The following GGA2 variants were observed in gnomAD, a reference collection of about 807,000 sequenced individuals.
The protein encoded by GGA2 is golgi associated, gamma adaptin ear containing, ARF binding protein 2, also known as ADP-ribosylation factor-binding protein GGA2.
Under a neutral mutation model 79.5 loss-of-function variants are expected in GGA2, and 48 were observed. That is an observed-to-expected ratio of 0.60 (90% CI 0.48 to 0.77). The LOEUF (loss-of-function observed/expected upper bound fraction) is 0.77. Ranked by LOEUF, GGA2 falls within the 30% of genes least tolerant of loss-of-function variation. The pLI is 0.00. For synonymous variants in GGA2, 317 were observed against 302.0 expected (o/e 1.05, Z -0.51); for missense variants, 770 against 774.0 (o/e 0.99, Z 0.06).
chr16:23,471,268 T>C (rs560997224), intron 14 of GGA2, among the ~76,000 whole-genome samples: 1 of 152,294 alleles, frequency 6.6e-6, no homozygotes, highest in Admixed American at 6.5e-5. Flanking sequence ...TACAAAACTG[T>C]AGATACCAAA....
At chr16:23,505,802 T>A (rs1036502410) in intron 1 of GGA2, among the ~76,000 whole-genome samples, 11 of 150,328 alleles carry the variant, frequency 7.3e-5, no homozygotes, top group African/African-American at 2.7e-4. Flanking sequence ...TGCAAATCAA[T>A]GGGGAAAAGA....
chr16:23,505,685 C>A (rs1726256781), intron 1 of GGA2, among the ~76,000 whole-genome samples: 1 of 151,874 alleles, frequency 6.6e-6, no homozygotes, highest in Non-Finnish European at 1.5e-5. Flanking sequence ...TGTCCCCCAC[C>A]CCACCCCACC....
rs1255997405 is a variant in GGA2 at position 23,494,342 on chromosome 16, G to T, written c.213C>A (p.Ile71=). The change falls in exon 3 of 17, where the codon ATC becomes ATA. Residue 71 remains isoleucine (I), a synonymous_variant. Transcript: ENST00000309859. ...GAGCTTCCTTCTCTTGCGGAGACTG[G>T]ATCTTGTGGGCCAGTAGCCAGGGCG... is the stretch of plus-strand genomic sequence containing the variant. ...THAPWLLAHK[I]QSPQEKEALY... The T allele has an allele frequency of 1.9e-6, 3 of 1,613,296 alleles. No homozygotes were observed. The highest frequency in any genetic ancestry group is 2.5e-6 in the Non-Finnish European group (3 of 1,179,156).
intron 2 of GGA2, chr16:23,519,511 C>G (rs1325667073): frequency 3.8e-5 from 12 of 313,346 alleles, no homozygotes; most frequent in Admixed American, 3.5e-4. Context: ...CTAGGCCAAT[C>G]AGATTCTCCC....
intron 1 of GGA2, chr16:23,521,732 G>A (rs1965144429): frequency 4.4e-6 from 2 of 452,466 alleles, no homozygotes; most frequent in Non-Finnish European, 8.9e-6. Flanking sequence ...GTTCATCCAT[G>A]TTGTAGATAT....
At chr16:23,494,432 G>A (rs368129290) in intron 2 of GGA2, 54 bp from the exon 3 acceptor site, 90 of 1,108,910 alleles carry the variant, frequency 8.1e-5, no homozygotes, top group Middle Eastern at 2.0e-4. Flanking sequence ...AAACTAACCC[G>A]AGTGGCTGAG....
chr16:23,493,415 C>T lies in GGA2; in HGVS notation c.296G>A (p.Ser99Asn). The change falls in exon 4 of 17, where the codon AGC (serine) becomes AAC (asparagine). Residue 99 changes from serine (S) to asparagine (N), a missense_variant. Ser to Asn is a conservative substitution (Grantham distance 46). Transcript: ENST00000309859. ...CAGGAAACGAAATTTGGCCACCTCG[C>T]TGTGGAACTTCTCCCCACAGTGGTT... ...CMNHCGEKFH[S>N]EVAKFRFLNE... The T allele has an allele frequency of 6.2e-7, 1 of 1,613,082 alleles. No homozygotes were observed. Among genetic ancestry groups the T allele is most frequent in the South Asian group, 1.1e-5 (1 of 91,052 alleles).
rs1816359489 is a variant in GGA2, at chr16:23,475,987, C to G, written c.1293-926G>C. Among the ~76,000 whole-genome samples the G allele has an allele frequency of 2.0e-5, 3 of 151,864 alleles. No homozygotes were observed. In the South Asian group the frequency reaches 6.3e-4, roughly 32 times the overall value. ...AAAATGTCCACACATAATAAGAACCCAATAACCTAGAGCCTTTGTTATGAA... is the reference window on the plus strand; with the variant it reads ...AAAATGTCCACACATAATAAGAACCGAATAACCTAGAGCCTTTGTTATGAA... On this transcript the variant is annotated intron_variant, in intron 13 of 16. Transcript: ENST00000309859.
At chr16:23,473,630 T>G (rs1011140943) in intron 14 of GGA2, among the ~76,000 whole-genome samples, 18 of 152,134 alleles carry the variant, frequency 1.2e-4, no homozygotes, top group Admixed American at 9.2e-4. Flanking sequence ...GTCTGGCCTA[T>G]TCTATCTTTA....
intron 13 of GGA2, 73 bp from the exon 14 acceptor site, chr16:23,475,134 T>A: frequency 1.1e-6 from 1 of 914,598 alleles, no homozygotes. Context: ...TTAGGCTTAT[T>A]AAAGAACAAG....
intron 14 of GGA2, among the ~76,000 whole-genome samples, chr16:23,471,775 G>A (rs1964513982): frequency 6.6e-6 from 1 of 152,072 alleles, no homozygotes; most frequent in Non-Finnish European, 1.5e-5. Context: ...GTGTGGTGGT[G>A]CATGCCTGTC....
At chr16:23,486,936 T>A (rs999976747) in intron 6 of GGA2, 146 bp from the exon 7 acceptor site, 25 of 664,788 alleles carry the variant, frequency 3.8e-5, no homozygotes, top group African/African-American at 1.4e-4. Context: ...GACACTACGA[T>A]GCAGGCACTC....
chr16:23,512,563 C>A (rs554093454), upstream of GGA2, among the ~76,000 whole-genome samples: 1 of 9,878 alleles, frequency 1.0e-4, no homozygotes, highest in African/African-American at 4.8e-4. Flanking sequence ...TCTGGGAACA[C>A]ACAGACTTCT....
rs535164265 is a variant in GGA2, at chr16:23,468,322, C to T, written c.1731+564G>A. Among the ~76,000 whole-genome samples, 68 of 150,656 alleles carry T rather than the reference C, an allele frequency of 4.5e-4. 1 individual carries two copies. Among genetic ancestry groups the T allele is most frequent in the African/African-American group, 1.5e-3 (62 of 40,914 alleles). ...TCTCCCGAGTAGCTGAGACTACAGG[C>T]GCACGCCACCATGCCCAGCTAATTT... On this transcript the variant is annotated intron_variant, in intron 16 of 16. Coordinates refer to ENST00000309859, the MANE Select transcript of GGA2 (RefSeq NM_015044.4).
intron 1 of GGA2, among the ~76,000 whole-genome samples, 194 bp from the exon 2 acceptor site, chr16:23,495,972 C>T (rs1964850144): frequency 6.6e-6 from 1 of 152,106 alleles, no homozygotes; most frequent in South Asian, 2.1e-4. Flanking sequence ...ATGGTATGCC[C>T]TTACTGAATA....
intron 12 of GGA2, 100 bp downstream of exon 12, chr16:23,478,783 G>A: frequency 1.1e-6 from 1 of 869,608 alleles, no homozygotes; most frequent in Non-Finnish European, 2.0e-6. Flanking sequence ...CACCGGGACA[G>A]TGCAGGAGCA....
intron 1 of GGA2, among the ~76,000 whole-genome samples, chr16:23,499,907 C>A (rs961178600): frequency 1.1e-4 from 16 of 152,166 alleles, no homozygotes; most frequent in Non-Finnish European, 1.5e-4. Context: ...GAACCACGTG[C>A]CTAGGCTCCC....
chr16:23,493,983 G>A, intron 3 of GGA2: 1 of 385,526 alleles, frequency 2.6e-6, no homozygotes, highest in Non-Finnish European at 4.8e-6. Flanking sequence ...AACAGCTAGT[G>A]GGCCCTGTGC....
Position 23,509,767 on chromosome 16 carries a change from C to T in GGA2, c.91+554G>A, listed in dbSNP as rs549850925. On this transcript the variant is annotated intron_variant, in intron 1 of 16. Coordinates refer to ENST00000309859, the MANE Select transcript of GGA2 (RefSeq NM_015044.4). ...ACACATATATATATATACGCACACA[C>T]ACACACACGTGTGTGTGTGTTTAAA... 1.6e-3 allele frequency among the ~76,000 whole-genome samples: 241 copies of T among 149,758 alleles called. 2 individuals are homozygous for T. Among genetic ancestry groups the T allele is most frequent in the African/African-American group, 5.7e-3 (235 of 40,932 alleles).
Sources: allele counts gnomAD v4.1 joint callset (sites outside exome capture counted in the v4.1 genomes callset), GRCh38; gene constraint gnomAD v4.1.1; transcripts MANE v1.5; gene names NCBI Gene and HGNC (gene_info 2026-07-23, HGNC 2026-07-21).